Variants in ZNF292 observed in about 807,000 individuals in gnomAD.
The protein encoded by ZNF292 is zinc finger protein 292.
A neutral mutation model predicts 217.9 loss-of-function variants in ZNF292; 26 were observed. The observed-to-expected ratio is 0.12, with a 90% confidence interval of 0.09 to 0.17. The LOEUF is 0.17. Ranked by LOEUF, ZNF292 falls within the 10% of genes least tolerant of loss-of-function variation. The pLI is 1.00. For missense variants in ZNF292, 2,904 were observed against 3,175.2 expected (o/e 0.91, Z 2.05); for synonymous variants, 1,257 against 1,124.1 (o/e 1.12, Z -2.37).
At chr6:87,223,105 GTC>G in intron 4 of ZNF292, 1 of 198,370 alleles carries the variant, frequency 5.0e-6, no homozygotes, top group South Asian at 8.7e-5. Flanking sequence ...TTGAGAAAGG[GTC>G]TCTCACTCCA....
intron 4 of ZNF292, among the ~76,000 whole-genome samples, chr6:87,221,573 C>G (rs770081162): frequency 2.2e-4 from 33 of 152,206 alleles, no homozygotes; most frequent in Non-Finnish European, 4.0e-4. Context: ...GTATAAATCT[C>G]TCTTTCACTT....
chr6:87,241,232 T>C (rs1186612223), intron 5 of ZNF292, among the ~76,000 whole-genome samples: 1 of 151,992 alleles, frequency 6.6e-6, no homozygotes, highest in African/African-American at 2.4e-5. Context: ...TGCAGTGAGC[T>C]GAGATGGCAC....
Position 87,257,610 on chromosome 6 carries a change from A to C in ZNF292, c.3981A>C (p.Ala1327=), listed in dbSNP as rs752544821. The C allele has an allele frequency of 1.2e-6, 2 of 1,607,552 alleles. No homozygotes were observed. Among genetic ancestry groups the C allele is most frequent in the Non-Finnish European group, 1.7e-6 (2 of 1,176,566 alleles). ...NAVFPSQVNV[A]NNFSSTNAQQ... Reference sequence around the variant, plus strand: ...TTTTTCCTTCACAAGTGAATGTTGCAAATAACTTCAGTAGCACCAATGCCC... The same window carrying C: ...TTTTTCCTTCACAAGTGAATGTTGCCAATAACTTCAGTAGCACCAATGCCC... Residue 1327 remains alanine (A), a synonymous_variant, in exon 8 of 8, where the codon GCA becomes GCC. Coordinates refer to ENST00000369577, the MANE Select transcript of ZNF292 (RefSeq NM_015021.3).
At chr6:87,203,400 A>G (rs896470623) in intron 1 of ZNF292, among the ~76,000 whole-genome samples, 3 of 151,936 alleles carry the variant, frequency 2.0e-5, no homozygotes, top group African/African-American at 7.3e-5. Context: ...GCCTCAGCCT[A>G]CCAAAGTGCT....
rs756852008 is a variant in ZNF292, at chr6:87,243,509, T to C, written c.776T>C (p.Met259Thr). ...GTTGATTGCAAAGATGCACTGGAAA[T>C]GATCTGTAACTTAGAATCTGAGGGT... Reference protein sequence around the residue: ...SEVDCKDALEMICNLESEGDE... With the variant: ...SEVDCKDALETICNLESEGDE... Residue 259 changes from methionine to threonine, a missense_variant, in exon 6 of 8, where the codon ATG (methionine) becomes ACG (threonine). Met to Thr is a moderately conservative substitution (Grantham distance 81, BLOSUM62 -1). Transcript: ENST00000369577. 41 of 1,551,574 alleles carry C rather than the reference T, an allele frequency of 2.6e-5. No individual in the cohort carries two copies. Among genetic ancestry groups the C allele is most frequent in the Non-Finnish European group, 3.6e-5 (41 of 1,148,618 alleles).
intron 1 of ZNF292, among the ~76,000 whole-genome samples, chr6:87,187,714 CAAA>C (rs10687268): frequency 1.1e-4 from 11 of 96,650 alleles, no homozygotes; most frequent in Non-Finnish European, 6.1e-5. Flanking sequence ...GACTCTGCCT[CAAA>C]AAAAAAAAAA....
chr6:87,242,765 G>A (rs895322194), intron 5 of ZNF292, among the ~76,000 whole-genome samples: 3 of 152,128 alleles, frequency 2.0e-5, no homozygotes, highest in African/African-American at 7.2e-5. Context: ...GTACATCATT[G>A]TAATGAGGTA....
At position 87,263,857 on chromosome 6, in the gene ZNF292, A is replaced by G. The variant is rs1342813672; in HGVS notation, c.*2056A>G. ...TGCCCTATATAGCACAGTAGCAAGT[A>G]GGTTTATTTCTGATCATTGTAACTA... is the stretch of plus-strand genomic sequence containing the variant. On this transcript the variant is annotated 3_prime_UTR_variant, in exon 8 of 8. Coordinates refer to ENST00000369577, the MANE Select transcript of ZNF292 (RefSeq NM_015021.3). 6.6e-6 allele frequency: 1 copy of G among 152,162 alleles called. No individual in the cohort carries two copies. Among genetic ancestry groups the G allele is most frequent in the Non-Finnish European group, 1.5e-5 (1 of 68,008 alleles). 9.4% of individuals were successfully genotyped at this position (152,162 alleles called of 1,614,324 possible).
intron 1 of ZNF292, among the ~76,000 whole-genome samples, chr6:87,213,129 A>G (rs966480483): frequency 6.6e-6 from 1 of 152,212 alleles, no homozygotes; most frequent in Non-Finnish European, 1.5e-5. Context: ...GGACTTGAAC[A>G]TACAGTGGCC....
intron 6 of ZNF292, among the ~76,000 whole-genome samples, chr6:87,245,136 G>A (rs1774505791): frequency 6.6e-6 from 1 of 152,032 alleles, no homozygotes; most frequent in Non-Finnish European, 1.5e-5. Flanking sequence ...AGCTACTCAG[G>A]AGGCTGAGGC....
chr6:87,265,707 C>A lies in ZNF292; in HGVS notation c.*3906C>A, dbSNP rs995923748. On this transcript the variant is annotated 3_prime_UTR_variant, in exon 8 of 8. Coordinates refer to ENST00000369577, the MANE Select transcript of ZNF292 (RefSeq NM_015021.3). ...AGAACACACTTTGGGAAATGCTGAT[C>A]TCAAATGGCATTTATTCAACCAGGA... Among the ~76,000 whole-genome samples the A allele has an allele frequency of 6.6e-6, 1 of 152,168 alleles. No homozygotes were observed. The highest frequency in any genetic ancestry group is 2.4e-5 in the African/African-American group (1 of 41,430).
rs770561071 is a variant in ZNF292, at chr6:87,256,368, T to A, written c.2739T>A (p.Ala913=). ...DQISASELRQ[A]NGPLSNGLEN... ...TTTCTGCCTCTGAGCTCAGGCAAGCTAATGGACCATTGTCAAATGGTTTGG... is the reference window on the plus strand; with the variant it reads ...TTTCTGCCTCTGAGCTCAGGCAAGCAAATGGACCATTGTCAAATGGTTTGG... The change falls in exon 8 of 8, where the codon GCT becomes GCA. Residue 913 remains alanine (A), a synonymous_variant. Coordinates refer to ENST00000369577, the MANE Select transcript of ZNF292 (RefSeq NM_015021.3). The A allele has an allele frequency of 1.2e-6, 2 of 1,610,526 alleles. No individual in the cohort carries two copies. Among genetic ancestry groups the A allele is most frequent in the South Asian group, 2.2e-5 (2 of 91,080 alleles).
chr6:87,227,636 TTTG>T (rs1190498933), intron 4 of ZNF292, among the ~76,000 whole-genome samples: 1 of 152,196 alleles, frequency 6.6e-6, no homozygotes. Context: ...TACCCTACTT[TTTG>T]TTTCTATAAT....
At chr6:87,182,822 T>G (rs969113432) in intron 1 of ZNF292, among the ~76,000 whole-genome samples, 1 of 152,216 alleles carries the variant, frequency 6.6e-6, no homozygotes, top group Non-Finnish European at 1.5e-5. Context: ...ATATTATTTT[T>G]AATAAATCAG....
intron 1 of ZNF292, among the ~76,000 whole-genome samples, chr6:87,190,755 A>G (rs1036399049): frequency 2.6e-5 from 4 of 152,182 alleles, no homozygotes; most frequent in Non-Finnish European, 5.9e-5. Flanking sequence ...TTTCAAGAAG[A>G]CTGGAGAAAA....
At chr6:87,239,445 C>G (rs1211651801) in intron 5 of ZNF292, among the ~76,000 whole-genome samples, 2 of 146,688 alleles carry the variant, frequency 1.4e-5, no homozygotes, top group South Asian at 2.1e-4. Flanking sequence ...CGGGGGCTGC[C>G]CCCCACCTAC....
intron 1 of ZNF292, among the ~76,000 whole-genome samples, chr6:87,176,794 A>C (rs1302283623): frequency 2.0e-5 from 3 of 151,846 alleles, no homozygotes; most frequent in Non-Finnish European, 2.9e-5. Context: ...CCCGTCACTC[A>C]CTCTGGATAG....
chr6:87,212,419 G>A (rs1772533251), intron 1 of ZNF292, among the ~76,000 whole-genome samples: 1 of 152,178 alleles, frequency 6.6e-6, no homozygotes, highest in South Asian at 2.1e-4. Flanking sequence ...GGGGCTACAA[G>A]TTCCATCTCT....
chr6:87,257,702 C>T lies in ZNF292; in HGVS notation c.4073C>T (p.Pro1358Leu), dbSNP rs1233726929. The T allele has an allele frequency of 1.2e-6, 2 of 1,612,866 alleles. No individual in the cohort carries two copies. The highest frequency in any genetic ancestry group is 1.7e-6 in the Non-Finnish European group (2 of 1,179,446). The change falls in exon 8 of 8, where the codon CCT becomes CTT. Residue 1358 changes from proline (P) to leucine (L), a missense_variant. Pro to Leu is a moderately conservative substitution (Grantham distance 98). This residue lies in a region of ZNF292 where 687 missense variants were observed against 623.0 expected (regional missense o/e 1.10). Coordinates refer to ENST00000369577, the MANE Select transcript of ZNF292 (RefSeq NM_015021.3). ...GGCCCAAATGGGAAGGAAAGAAAAC[C>T]TAAGCACAACAAAAGGGCTAAATGG... Reference protein sequence around the residue: ...GRGPNGKERKPKHNKRAKWPA... With the variant: ...GRGPNGKERKLKHNKRAKWPA...
Sources: allele counts gnomAD v4.1 joint callset (sites outside exome capture counted in the v4.1 genomes callset), GRCh38; gene constraint gnomAD v4.1.1; regional missense constraint gnomAD v4.1.1; transcripts MANE v1.5; gene names NCBI Gene and HGNC (gene_info 2026-07-23, HGNC 2026-07-21).